Variants in LRMDA observed in about 807,000 individuals in gnomAD.
LRMDA encodes the protein leucine-rich melanocyte differentiation-associated protein.
Under a neutral mutation model 29.8 loss-of-function variants are expected in LRMDA, and 18 were observed. That is an observed-to-expected ratio of 0.60 (90% confidence interval 0.42 to 0.90). The LOEUF is 0.90. Ranked by LOEUF, LRMDA falls within the 40% of genes least tolerant of loss-of-function variation. The probability of loss-of-function intolerance (pLI) is 0.00; values close to 1 mark genes in which losing one functional copy is unlikely to be tolerated. For synonymous variants in LRMDA, 125 were observed against 109.4 expected, an observed-to-expected ratio of 1.14 and a Z score of -0.89; for missense variants, 273 against 273.9, an observed-to-expected ratio of 1.00 and a Z score of 0.02.
At chr10:75,940,662 A>G (rs1314739826) in intron 2 of LRMDA, among the ~76,000 whole-genome samples, 2 of 152,082 alleles carry the variant, frequency 1.3e-5, no homozygotes, top group African/African-American at 2.4e-5. Flanking sequence ...CTATGTACCT[A>G]TAATATCTTA....
intron 5 of LRMDA, among the ~76,000 whole-genome samples, chr10:76,287,615 A>G (rs1389115442): frequency 1.3e-5 from 2 of 152,178 alleles, no homozygotes; most frequent in Admixed American, 6.6e-5. Flanking sequence ...AGGAAAGGCA[A>G]TGCATTCTTA....
At chr10:75,999,526 G>A (rs1198804571) in intron 2 of LRMDA, among the ~76,000 whole-genome samples, 1 of 152,198 alleles carries the variant, frequency 6.6e-6, no homozygotes, top group Non-Finnish European at 1.5e-5. Context: ...ACATATATAT[G>A]CATGCTTGAA....
At chr10:75,898,115 C>T (rs150204179) in intron 2 of LRMDA, among the ~76,000 whole-genome samples, 267 of 152,220 alleles carry the variant, frequency 1.8e-3, no homozygotes, top group Non-Finnish European at 3.0e-3. Context: ...TGAGCCACTG[C>T]GCCTGGCCTT....
chr10:76,469,373 C>G (rs1011197491), intron 6 of LRMDA, among the ~76,000 whole-genome samples: 3 of 152,152 alleles, frequency 2.0e-5, no homozygotes, highest in African/African-American at 7.2e-5. Flanking sequence ...CCCACTCCCC[C>G]CAACTCAAAT....
At chr10:75,559,690 A>G (rs1362713882) in intron 2 of LRMDA, among the ~76,000 whole-genome samples, 2 of 150,144 alleles carry the variant, frequency 1.3e-5, no homozygotes, top group Admixed American at 1.4e-4. Flanking sequence ...TCTTTAATCC[A>G]TCTTAAATTA....
chr10:75,797,683 T>C (rs1239301452), intron 2 of LRMDA, among the ~76,000 whole-genome samples: 1 of 152,198 alleles, frequency 6.6e-6, no homozygotes, highest in Admixed American at 6.5e-5. Context: ...TTTAGCATAA[T>C]GGTTTTGAGA....
intron 6 of LRMDA, among the ~76,000 whole-genome samples, chr10:76,552,265 C>A (rs1222578604): frequency 1.3e-5 from 2 of 152,156 alleles, no homozygotes; most frequent in Non-Finnish European, 2.9e-5. Context: ...CTGTTGAATA[C>A]GGAGTTATGA....
intron 2 of LRMDA, among the ~76,000 whole-genome samples, chr10:76,034,392 G>A (rs77156143): frequency 1.3e-3 from 203 of 152,224 alleles, no homozygotes; most frequent in African/African-American, 4.8e-3. Context: ...AATGAAACAC[G>A]ATGACCTCTG....
At chr10:75,562,956 C>A (rs1840318252) in intron 2 of LRMDA, among the ~76,000 whole-genome samples, 1 of 152,106 alleles carries the variant, frequency 6.6e-6, no homozygotes, top group Non-Finnish European at 1.5e-5. Context: ...TCTGGCTGCC[C>A]TTAACATTTT....
At chr10:75,705,322 C>A (rs1842353686) in intron 2 of LRMDA, among the ~76,000 whole-genome samples, 1 of 152,012 alleles carries the variant, frequency 6.6e-6, no homozygotes, top group African/African-American at 2.4e-5. Flanking sequence ...GGAGGGAGAC[C>A]CGAGGATGGG....
rs377689052 is a variant in LRMDA, at chr10:76,151,140, TTACATTTCCTGTG to T, written c.516+92371_516+92383del. Reference sequence around the variant, plus strand: ...AAGGGGGCTCCTCCAACCTATATGTTTACATTTCCTGTGTACATTTCCTGTGAAGATCTTCGTT... The same window carrying T: ...AAGGGGGCTCCTCCAACCTATATGTTTACATTTCCTGTGAAGATCTTCGTT... On this transcript the variant is annotated intron_variant, in intron 5 of 6. Transcript: ENST00000611255. Among the ~76,000 whole-genome samples the T allele has an allele frequency of 3.5e-3, 533 of 152,268 alleles. 3 individuals are homozygous for T. The highest frequency in any genetic ancestry group is 0.012 in the African/African-American group (504 of 41,542).
At position 76,498,017 on chromosome 10, in the gene LRMDA, A is replaced by G. The variant is rs1450226825; in HGVS notation, c.602-59192A>G. Among the ~76,000 whole-genome samples the G allele has an allele frequency of 2.6e-5, 2 of 75,852 alleles. 1 individual carries two copies. Among genetic ancestry groups the G allele is most frequent in the Admixed American group, 2.5e-4 (2 of 8,126 alleles). The allele number at this position is 75,852 out of a possible 152,430, so 49.8% of individuals were successfully genotyped here. On this transcript the variant is annotated intron_variant, in intron 6 of 6. Coordinates refer to ENST00000611255, the MANE Select transcript of LRMDA (RefSeq NM_001305581.2). ...GTTAAGAATGCAACACCAGAGTGCA[A>G]TTTCATTTGGTCTTCTCCCTGCCCC...
chr10:76,196,045 A>C (rs1383513296), intron 5 of LRMDA, among the ~76,000 whole-genome samples: 1 of 152,322 alleles, frequency 6.6e-6, no homozygotes, highest in East Asian at 1.9e-4. Context: ...CTGTGATGAT[A>C]ATTAGTGTTC....
Position 75,499,693 on chromosome 10 carries a change from G to A in LRMDA, c.131+61199G>A, listed in dbSNP as rs113172301. ...AGTTGGCCTGAGCAGTGCCTTCGGT[G>A]TGTAGACAGCCTCCTCTGACACAGT... On this transcript the variant is annotated intron_variant, in intron 2 of 6. Coordinates refer to ENST00000611255, the MANE Select transcript of LRMDA (RefSeq NM_001305581.2). Among the ~76,000 whole-genome samples the A allele has an allele frequency of 5.3e-5, 8 of 152,316 alleles. 1 individual carries two copies. The highest frequency in any genetic ancestry group is 9.6e-5 in the African/African-American group (4 of 41,578).
chr10:76,185,930 C>A lies in LRMDA; in HGVS notation c.516+127147C>A, dbSNP rs138126611. Among the ~76,000 whole-genome samples, 116 of 152,294 alleles carry A rather than the reference C, an allele frequency of 7.6e-4. 5 individuals carry two copies. In the East Asian group the frequency reaches 0.02, roughly 26 times the overall value. Reference sequence around the variant, plus strand: ...TAACTTTGTATTAAAGTGGGCCTTACTGTCAACCTAGCAAAACCTCATGTT... The same window carrying A: ...TAACTTTGTATTAAAGTGGGCCTTAATGTCAACCTAGCAAAACCTCATGTT... On this transcript the variant is annotated intron_variant, in intron 5 of 6. Transcript: ENST00000611255.
chr10:75,924,935 A>G (rs1054196789), intron 2 of LRMDA, among the ~76,000 whole-genome samples: 5 of 152,210 alleles, frequency 3.3e-5, no homozygotes, highest in Admixed American at 2.6e-4. Context: ...AGAGAGTCAC[A>G]TGCTCGTCCC....
At chr10:75,767,121 T>C (rs1191122734) in intron 2 of LRMDA, among the ~76,000 whole-genome samples, 3 of 152,240 alleles carry the variant, frequency 2.0e-5, no homozygotes, top group African/African-American at 7.2e-5. Context: ...CATGTATCTT[T>C]ATAGTAGGAT....
At chr10:75,544,532 G>A (rs576858374) in intron 2 of LRMDA, among the ~76,000 whole-genome samples, 1 of 152,252 alleles carries the variant, frequency 6.6e-6, no homozygotes, top group Admixed American at 6.5e-5. Context: ...CCTATTCACT[G>A]CTATGACTTA....
intron 6 of LRMDA, among the ~76,000 whole-genome samples, chr10:76,394,148 G>C (rs987829851): frequency 6.6e-6 from 1 of 152,182 alleles, no homozygotes; most frequent in Non-Finnish European, 1.5e-5. Context: ...CAACAAGGGA[G>C]TGATAATTTT....
Sources: allele counts gnomAD v4.1 joint callset (sites outside exome capture counted in the v4.1 genomes callset), GRCh38; gene constraint gnomAD v4.1.1; transcripts MANE v1.5; gene names NCBI Gene and HGNC (gene_info 2026-07-23, HGNC 2026-07-21).